Variants in UBAP2 observed in about 807,000 individuals in gnomAD.
UBAP2 encodes the protein ubiquitin associated protein 2.
In UBAP2, 75 loss-of-function variants were observed where a neutral mutation model predicts 139.6. That is an observed-to-expected ratio of 0.54 (90% confidence interval 0.45 to 0.65). The LOEUF is 0.65. Among genes scored for constraint, UBAP2 ranks in the 30% least tolerant of loss-of-function variants. UBAP2 has a pLI of 0.00. For synonymous variants in UBAP2, 526 were observed against 526.2 expected (o/e 1.00, Z 0.01); for missense variants, 1,368 against 1,369.6 (o/e 1.00, Z 0.02).
intron 8 of UBAP2, chr9:33,968,153 A>G (rs1054829922): frequency 3.2e-5 from 19 of 585,320 alleles, no homozygotes; most frequent in Middle Eastern, 5.7e-4. Context: ...GACAAATCCA[A>G]TGAATAGAAG....
At chr9:34,031,115 T>C (rs115850036) in intron 1 of UBAP2, among the ~76,000 whole-genome samples, 1,853 of 151,382 alleles carry the variant, frequency 0.012, 38 homozygotes, top group African/African-American at 0.042. Context: ...CTCTCTCTAC[T>C]AAACATACAA....
intron 4 of UBAP2, among the ~76,000 whole-genome samples, chr9:33,990,795 C>A (rs994626855): frequency 2.6e-5 from 4 of 151,980 alleles, no homozygotes; most frequent in Non-Finnish European, 4.4e-5. Context: ...CACCACCACA[C>A]CCAGTGAATT....
Position 33,989,086 on chromosome 9 carries a change from G to A in UBAP2, c.329C>T (p.Ala110Val), listed in dbSNP as rs903505526. Residue 110 changes from alanine to valine, a missense_variant, in exon 5 of 29, where the codon GCA becomes GTA. Ala to Val is a moderately conservative substitution (Grantham distance 64). Coordinates refer to ENST00000379238, the MANE Select transcript of UBAP2 (RefSeq NM_001370062.2). ...ETVGCKKKNF[A>V]KENSENKENR... ...CTCTTTGTTTTCTGAATTTTCTTTT[G>A]CAAAATTCTTTTTCTTACACCCTAC... 2 of 1,612,972 alleles carry A rather than the reference G, an allele frequency of 1.2e-6. No individual in the cohort carries two copies. The highest frequency in any genetic ancestry group is 1.3e-5 in the African/African-American group (1 of 74,660).
chr9:33,948,281 A>G, intron 13 of UBAP2, 93 bp downstream of exon 13: 1 of 1,174,248 alleles, frequency 8.5e-7, no homozygotes. Context: ...ACATCTCTGG[A>G]CAAATTCCAC....
chr9:33,990,799 G>C (rs540039525), intron 4 of UBAP2, among the ~76,000 whole-genome samples: 1 of 151,962 alleles, frequency 6.6e-6, no homozygotes, highest in Non-Finnish European at 1.5e-5. Flanking sequence ...ACCACACCCA[G>C]TGAATTTTTG....
intron 1 of UBAP2, among the ~76,000 whole-genome samples, chr9:34,043,865 C>T (rs1250926168): frequency 6.6e-6 from 1 of 150,710 alleles, no homozygotes; most frequent in African/African-American, 2.4e-5. Context: ...CAGTGGTCCA[C>T]AACTGTAATC....
intron 2 of UBAP2, among the ~76,000 whole-genome samples, chr9:34,000,176 GC>G (rs1822583617): frequency 2.0e-5 from 3 of 151,810 alleles, no homozygotes; most frequent in Admixed American, 6.6e-5. Flanking sequence ...GTGTAGTGAT[GC>G]CATCATAGCT....
At chr9:34,045,187 A>T (rs949649759) in intron 1 of UBAP2, among the ~76,000 whole-genome samples, 2 of 151,870 alleles carry the variant, frequency 1.3e-5, no homozygotes, top group African/African-American at 4.8e-5. Flanking sequence ...TCTAATAAAA[A>T]TACAAAAAAT....
chr9:33,945,888 C>T (rs1279366852), intron 13 of UBAP2, among the ~76,000 whole-genome samples: 7 of 152,144 alleles, frequency 4.6e-5, no homozygotes, highest in Non-Finnish European at 1.0e-4. Context: ...CTAATGAATA[C>T]ATTTGTATGT....
At chr9:34,021,719 C>G (rs570504752) in intron 1 of UBAP2, among the ~76,000 whole-genome samples, 3 of 151,324 alleles carry the variant, frequency 2.0e-5, no homozygotes, top group Non-Finnish European at 4.4e-5. Flanking sequence ...CTGCAACCTC[C>G]GTCTCCCGGG....
At chr9:34,022,605 T>A (rs879564933) in intron 1 of UBAP2, among the ~76,000 whole-genome samples, 3 of 151,718 alleles carry the variant, frequency 2.0e-5, no homozygotes, top group Non-Finnish European at 2.9e-5. Flanking sequence ...CCAGCCGATT[T>A]TTTTTGTATT....
intron 1 of UBAP2, among the ~76,000 whole-genome samples, chr9:34,037,068 AACCTCCG>A (rs1019358174): frequency 1.4e-5 from 2 of 143,856 alleles, no homozygotes; most frequent in Admixed American, 7.4e-5. Context: ...GGCTCGCTGC[AACCTCCG>A]ACTTCTGGGA....
chr9:33,941,851 T>C lies in UBAP2; in HGVS notation c.1727A>G (p.Asn576Ser). The change falls in exon 16 of 29, where the codon AAT becomes AGT. Residue 576 changes from asparagine to serine, a missense_variant. Coordinates refer to ENST00000379238, the MANE Select transcript of UBAP2 (RefSeq NM_001370062.2). ...TGCACTGGTCATTGATAAAGATGTA[T>C]TCAAAGGCTCACTGAAAAGAGTCAA... ...LYSKSLSEPL[N>S]TSLSMTSAVQ... is the part of the protein sequence containing the mutation. 1.9e-6 allele frequency: 3 copies of C among 1,611,954 alleles called. No homozygotes were observed. The highest frequency in any genetic ancestry group is 2.5e-6 in the Non-Finnish European group (3 of 1,178,458).
chr9:33,965,200 C>G (rs1387267131), intron 8 of UBAP2, among the ~76,000 whole-genome samples: 2 of 152,170 alleles, frequency 1.3e-5, no homozygotes, highest in Non-Finnish European at 2.9e-5. Context: ...TTTAGTGGCA[C>G]AGAGTATATT....
chr9:33,966,965 G>A (rs11791002), intron 8 of UBAP2, among the ~76,000 whole-genome samples: 19,989 of 151,838 alleles, frequency 0.13, 1,569 homozygotes, highest in South Asian at 0.33. Context: ...TTCAAAGACT[G>A]AGTCAGTAAA....
chr9:33,963,661 GAA>G, intron 9 of UBAP2, 63 bp downstream of exon 9: 2 of 956,192 alleles, frequency 2.1e-6, no homozygotes, highest in African/African-American at 1.7e-5. Context: ...GATAAAAAAT[GAA>G]AGATATTGCA....
chr9:33,996,174 C>T (rs1355368684), intron 4 of UBAP2, 49 bp downstream of exon 4: 11 of 1,408,484 alleles, frequency 7.8e-6, no homozygotes, highest in Middle Eastern at 1.8e-4. Context: ...AAATGTGCTA[C>T]GGAATTGGAG....
intron 4 of UBAP2, among the ~76,000 whole-genome samples, chr9:33,992,658 A>T (rs13294688): frequency 2.4e-5 from 1 of 41,904 alleles, no homozygotes; most frequent in African/African-American, 5.4e-5. Context: ...TATCGGGCGG[A>T]GGGGGGGGGG....
intron 12 of UBAP2, chr9:33,952,782 AG>A (rs1390453134): frequency 6.5e-6 from 1 of 154,652 alleles, no homozygotes; most frequent in African/African-American, 2.4e-5. Flanking sequence ...CAGGAAACTC[AG>A]GTAGTTAAAT....
Sources: allele counts gnomAD v4.1 joint callset (sites outside exome capture counted in the v4.1 genomes callset), GRCh38; gene constraint gnomAD v4.1.1; transcripts MANE v1.5; gene names NCBI Gene and HGNC (gene_info 2026-07-23, HGNC 2026-07-21).